The following NCOA2 variants were observed in gnomAD, a reference collection of about 807,000 sequenced individuals.
NCOA2 encodes the protein nuclear receptor coactivator 2.
NCOA2 carries 21 observed loss-of-function variants against 145.1 expected under a neutral mutation model. The ratio of observed to expected loss-of-function variants is 0.14; its 90% CI spans 0.10 to 0.21. The LOEUF is 0.21. NCOA2 is among the 10% of genes least tolerant of loss of function. The pLI, the probability that NCOA2 is intolerant of heterozygous loss-of-function variation, is 1.00. For synonymous variants in NCOA2, 619 were observed against 637.5 expected, an observed-to-expected ratio of 0.97 and a Z score of 0.44; for missense variants, 1,472 against 1,837.6, an observed-to-expected ratio of 0.80 and a Z score of 3.64.
At chr8:70,175,868 ATTTT>A (rs34885918) in intron 4 of NCOA2, among the ~76,000 whole-genome samples, 1 of 148,894 alleles carries the variant, frequency 6.7e-6, no homozygotes, top group African/African-American at 2.5e-5. Context: ...AACCTTAATA[ATTTT>A]TTTTTTTTTG....
At chr8:70,126,349 T>C (rs1263103293) in intron 19 of NCOA2, among the ~76,000 whole-genome samples, 1 of 152,212 alleles carries the variant, frequency 6.6e-6, no homozygotes, top group Non-Finnish European at 1.5e-5. Flanking sequence ...AATGATCTGG[T>C]ATAATCTGTA....
chr8:70,398,186 G>C (rs573317068), intron 1 of NCOA2, among the ~76,000 whole-genome samples: 1 of 152,320 alleles, frequency 6.6e-6, no homozygotes, highest in South Asian at 2.1e-4. Context: ...GGCCAGGTAC[G>C]GTGGCTAATG....
chr8:70,375,490 C>T (rs1811587191), intron 1 of NCOA2, among the ~76,000 whole-genome samples: 1 of 152,066 alleles, frequency 6.6e-6, no homozygotes, highest in South Asian at 2.1e-4. Flanking sequence ...TCAGTAACCC[C>T]TAAACATAGA....
the NCOA2 span, among the ~76,000 whole-genome samples, chr8:70,426,517 A>T: frequency 3.3e-5 from 5 of 152,246 alleles, no homozygotes; most frequent in Non-Finnish European, 7.3e-5. Flanking sequence ...AAAACCTGTC[A>T]TGCTTTAAGT....
chr8:70,416,752 G>A, the NCOA2 span, among the ~76,000 whole-genome samples: 1 of 152,176 alleles, frequency 6.6e-6, no homozygotes, highest in East Asian at 1.9e-4. Flanking sequence ...AGGGAAAAGA[G>A]AGAGTGAGAG....
At chr8:70,268,888 T>C (rs1044944337) in intron 2 of NCOA2, among the ~76,000 whole-genome samples, 2 of 152,246 alleles carry the variant, frequency 1.3e-5, no homozygotes, top group African/African-American at 4.8e-5. Context: ...TAGGCTCTTT[T>C]GAGCTTGAAA....
At chr8:70,365,929 A>G (rs1211720971) in intron 1 of NCOA2, among the ~76,000 whole-genome samples, 9 of 152,246 alleles carry the variant, frequency 5.9e-5, no homozygotes, top group South Asian at 2.1e-4. Context: ...CCAGCCCAAC[A>G]AACACCTTCA....
chr8:70,401,535 A>T (rs546260345), intron 1 of NCOA2, among the ~76,000 whole-genome samples: 87 of 152,040 alleles, frequency 5.7e-4, no homozygotes, highest in Non-Finnish European at 1.0e-3. Context: ...AAAAATGCAT[A>T]CCATAAACCA....
At chr8:70,141,818 C>T (rs895151778) in intron 13 of NCOA2, among the ~76,000 whole-genome samples, 5 of 152,144 alleles carry the variant, frequency 3.3e-5, no homozygotes, top group African/African-American at 1.2e-4. Flanking sequence ...AAACGATAAT[C>T]ATAGAAGATA....
chr8:70,113,762 G>A, intron 22 of NCOA2, 119 bp from the exon 23 acceptor site: 1 of 960,436 alleles, frequency 1.0e-6, no homozygotes, highest in Non-Finnish European at 1.6e-6. Context: ...AATCACAGAG[G>A]CCGCATCTGG....
At chr8:70,445,302 C>T in the NCOA2 span, among the ~76,000 whole-genome samples, 1 of 152,162 alleles carries the variant, frequency 6.6e-6, no homozygotes, top group Non-Finnish European at 1.5e-5. Context: ...AGAGTAAATG[C>T]CACGTGGGGA....
chr8:70,159,668 G>C lies in NCOA2; in HGVS notation c.977-16C>G. On this transcript the variant is annotated splice_polypyrimidine_tract_variant and intron_variant, in intron 9 of 22. Transcript: ENST00000452400. ...TGTCTCAGTACTGCAGGCAAGCAAG[G>C]AAACAGAAGGCACGTTTAGAAAAAA... is the stretch of plus-strand genomic sequence containing the variant. 1 of 1,597,808 alleles carries C rather than the reference G, an allele frequency of 6.3e-7. No individual in the cohort carries two copies. Among genetic ancestry groups the C allele is most frequent in the Non-Finnish European group, 8.6e-7 (1 of 1,167,772 alleles).
intron 4 of NCOA2, among the ~76,000 whole-genome samples, chr8:70,193,357 A>G (rs1816900347): frequency 6.6e-6 from 1 of 152,212 alleles, no homozygotes; most frequent in Non-Finnish European, 1.5e-5. Flanking sequence ...GTTAAATCTC[A>G]GAAAAAGAAA....
chr8:70,341,962 A>G (rs1395420659), intron 1 of NCOA2, among the ~76,000 whole-genome samples: 1 of 152,224 alleles, frequency 6.6e-6, no homozygotes, highest in Non-Finnish European at 1.5e-5. Flanking sequence ...CAACTTCTGA[A>G]TATAACTAAT....
At chr8:70,289,097 G>A (rs969377416) in intron 2 of NCOA2, among the ~76,000 whole-genome samples, 3 of 152,140 alleles carry the variant, frequency 2.0e-5, no homozygotes, top group Admixed American at 1.3e-4. Flanking sequence ...AAGTAATCAT[G>A]ATACAGTTTC....
At chr8:70,116,971 C>A (rs1161817356) in intron 22 of NCOA2, among the ~76,000 whole-genome samples, 1 of 152,240 alleles carries the variant, frequency 6.6e-6, no homozygotes, top group Admixed American at 6.5e-5. Flanking sequence ...CCTCAAGCCA[C>A]CTGAGTAGCT....
At chr8:70,237,285 G>C (rs1446354929) in intron 2 of NCOA2, among the ~76,000 whole-genome samples, 5 of 152,154 alleles carry the variant, frequency 3.3e-5, no homozygotes, top group Admixed American at 3.3e-4. Flanking sequence ...GGCAGAAGCA[G>C]GATTTGAACC....
intron 4 of NCOA2, among the ~76,000 whole-genome samples, chr8:70,202,799 T>C (rs1029342687): frequency 2.0e-5 from 3 of 152,172 alleles, no homozygotes; most frequent in African/African-American, 7.2e-5. Context: ...AATTTACACC[T>C]AAAAATTGGT....
At chr8:70,452,706 A>G in the NCOA2 span, among the ~76,000 whole-genome samples, 1 of 152,146 alleles carries the variant, frequency 6.6e-6, no homozygotes, top group African/African-American at 2.4e-5. Context: ...TGTGAATTAA[A>G]TATCAATTTT....
Sources: allele counts gnomAD v4.1 joint callset (sites outside exome capture counted in the v4.1 genomes callset), GRCh38; gene constraint gnomAD v4.1.1; transcripts MANE v1.5; gene names NCBI Gene and HGNC (gene_info 2026-07-23, HGNC 2026-07-21).